Variants in GPM6B observed in about 807,000 individuals in gnomAD.
GPM6B encodes neuronal membrane glycoprotein M6-b.
A neutral mutation model predicts 27.2 loss-of-function variants in GPM6B; 4 were observed. The observed-to-expected ratio is 0.15, with a 90% CI of 0.07 to 0.34. The LOEUF is 0.34. Ranked by LOEUF, GPM6B falls within the 10% of genes least tolerant of loss-of-function variation. The probability of loss-of-function intolerance (pLI) is 1.00; values close to 1 mark genes in which losing one functional copy is unlikely to be tolerated. For synonymous variants in GPM6B, 124 were observed against 103.1 expected (o/e 1.20, Z -1.23); for missense variants, 183 against 261.9 (o/e 0.70, Z 2.08).
chrX:13,842,268 TAA>T (rs1374117139), intron 1 of GPM6B, among the ~76,000 whole-genome samples: 1 of 112,221 alleles, frequency 8.9e-6, no homozygotes, highest in East Asian at 2.8e-4. Context: ...GCTTTTAAAA[TAA>T]AAGTGTAATT....
At chrX:13,911,600 G>T (rs2050379056) in intron 1 of GPM6B, among the ~76,000 whole-genome samples, 2 of 112,164 alleles carry the variant, frequency 1.8e-5, no homozygotes, top group African/African-American at 6.5e-5. Flanking sequence ...ACCATGAAAG[G>T]TCTATCAATT....
chrX:13,802,069 T>TC (rs758917642), intron 2 of GPM6B, among the ~76,000 whole-genome samples: 91 of 111,228 alleles, frequency 8.2e-4, no homozygotes, highest in Non-Finnish European at 1.6e-3. Flanking sequence ...TTTCAGCTAC[T>TC]CCCCAGCTAC....
At chrX:13,774,619 G>C (rs1382518499) in intron 7 of GPM6B, 1 of 1,201,933 alleles carries the variant, frequency 8.3e-7, no homozygotes, top group Non-Finnish European at 1.1e-6. Context: ...CCATCATGTA[G>C]ATCAGCTGGT....
Position 13,806,728 on chromosome X carries a change from G to A in GPM6B, c.181+922C>T, listed in dbSNP as rs1054808300. ...ATTGCCCTTTCTGGAGCTGTACCAT[G>A]CTACATTTACTCCTGAAAAAGTTAG... On this transcript the variant is annotated intron_variant, in intron 2 of 7. Transcript: ENST00000316715. Among the ~76,000 whole-genome samples, 3 of 112,185 alleles carry A rather than the reference G, an allele frequency of 2.7e-5. No individual in the cohort carries two copies. The East Asian group carries it at 8.3e-4, about 31-fold the overall frequency.
At chrX:13,873,938 C>T (rs1025690139) in intron 1 of GPM6B, among the ~76,000 whole-genome samples, 1 of 111,723 alleles carries the variant, frequency 9.0e-6, no homozygotes, top group African/African-American at 3.3e-5. Context: ...TTAAATACAG[C>T]ATTAAAAAAA....
At chrX:13,793,711 G>C (rs1420369898) in intron 2 of GPM6B, among the ~76,000 whole-genome samples, 1 of 112,032 alleles carries the variant, frequency 8.9e-6, no homozygotes, top group East Asian at 2.8e-4. Context: ...TGAAAATCCT[G>C]ATGCCCTGGC....
At chrX:13,807,013 C>T (rs1189968367) in intron 2 of GPM6B, among the ~76,000 whole-genome samples, 3 of 111,827 alleles carry the variant, frequency 2.7e-5, no homozygotes, top group South Asian at 3.7e-4. Context: ...AATCAGCTGT[C>T]GCACACCTCA....
chrX:13,802,407 T>C (rs988388383), intron 2 of GPM6B, among the ~76,000 whole-genome samples: 2 of 111,706 alleles, frequency 1.8e-5, no homozygotes, highest in Admixed American at 9.5e-5. Flanking sequence ...GGAGCTGATA[T>C]GTCACACACA....
intron 1 of GPM6B, among the ~76,000 whole-genome samples, chrX:13,900,006 T>G (rs2050268253): frequency 8.9e-6 from 1 of 112,323 alleles, no homozygotes; most frequent in Non-Finnish European, 1.9e-5. Flanking sequence ...AACTTCATTA[T>G]ATGATAAAGT....
At chrX:13,833,557 A>AG (rs1306285166) in intron 1 of GPM6B, among the ~76,000 whole-genome samples, 2 of 106,255 alleles carry the variant, frequency 1.9e-5, no homozygotes, top group Non-Finnish European at 3.9e-5. Flanking sequence ...TCTTAAAAAA[A>AG]AAAAAAAAAA....
chrX:13,782,303 T>A (rs1350421039), intron 4 of GPM6B, among the ~76,000 whole-genome samples: 1 of 111,435 alleles, frequency 9.0e-6, no homozygotes, highest in Non-Finnish European at 1.9e-5. Context: ...AGTGTCCCCA[T>A]CTCTAGGTGA....
intron 1 of GPM6B, among the ~76,000 whole-genome samples, chrX:13,823,058 T>A (rs1318235289): frequency 8.9e-6 from 1 of 112,278 alleles, no homozygotes; most frequent in Non-Finnish European, 1.9e-5. Context: ...TGTGGGTTTT[T>A]AAAAAAATAT....
At chrX:13,841,906 C>G (rs1164416438) in intron 1 of GPM6B, among the ~76,000 whole-genome samples, 4 of 111,726 alleles carry the variant, frequency 3.6e-5, no homozygotes, top group Non-Finnish European at 1.9e-5. Context: ...CAGTTTCCTT[C>G]TCACTCTTCC....
intron 1 of GPM6B, among the ~76,000 whole-genome samples, chrX:13,824,352 C>G (rs1449296993): frequency 8.9e-6 from 1 of 112,278 alleles, no homozygotes; most frequent in African/African-American, 3.2e-5. Flanking sequence ...TAGCTGTGCA[C>G]TGGAATCATA....
intron 1 of GPM6B, among the ~76,000 whole-genome samples, chrX:13,914,195 T>TA (rs1450768452): frequency 8.9e-6 from 1 of 112,568 alleles, no homozygotes; most frequent in Non-Finnish European, 1.9e-5. Context: ...CTGAGATTTT[T>TA]AAAAAATCTG....
intron 1 of GPM6B, among the ~76,000 whole-genome samples, chrX:13,814,549 A>C (rs2049198701): frequency 8.9e-6 from 1 of 112,384 alleles, no homozygotes. Flanking sequence ...TCAATGGAAA[A>C]ATAATTTTTT....
At position 13,777,332 on chromosome X, in the gene GPM6B, C is replaced by G. The variant is rs767065762; in HGVS notation, c.771+20G>C. 7.9e-5 allele frequency: 90 copies of G among 1,143,765 alleles called. No homozygotes were observed. Among genetic ancestry groups the G allele is most frequent in the Non-Finnish European group, 1.0e-4 (87 of 833,379 alleles). 94.3% of individuals were successfully genotyped at this position (1,143,765 alleles called of 1,213,427 possible). On this transcript the variant is annotated intron_variant, in intron 6 of 7. Transcript: ENST00000316715. ...CTCAGCCTAATACTCAAGGGTTATT[C>G]TGAACTGTGATGAGTTTACCTCGTT...
intron 2 of GPM6B, among the ~76,000 whole-genome samples, chrX:13,806,417 A>G (rs1042508318): frequency 1.8e-5 from 2 of 111,774 alleles, no homozygotes; most frequent in Admixed American, 1.9e-4. Context: ...TTTTAAATCA[A>G]GATTCCAGAA....
chrX:13,838,715 G>T lies in GPM6B; in HGVS notation c.-197-52907C>A, dbSNP rs138915852. ...TTCCCCTGCCCAAAGGGAGGAAGGG[G>T]AGGCAGCTGAACCTGATGGCAAGGG... On this transcript the variant is annotated intron_variant, in intron 1 of 6. Transcript: ENST00000398361. 3.1e-4 allele frequency among the ~76,000 whole-genome samples: 35 copies of T among 111,755 alleles called. 1 individual carries two copies. In the East Asian group the frequency reaches 9.0e-3, roughly 29 times the overall value.
Sources: allele counts gnomAD v4.1 joint callset (sites outside exome capture counted in the v4.1 genomes callset), GRCh38; gene constraint gnomAD v4.1.1; transcripts MANE v1.5; gene names NCBI Gene and HGNC (gene_info 2026-07-23, HGNC 2026-07-21).